Variants in MRPL37 observed in about 807,000 individuals in gnomAD.
The protein encoded by MRPL37 is large ribosomal subunit protein mL37.
In MRPL37, 34 loss-of-function variants were observed where a neutral mutation model predicts 44.1. The observed-to-expected ratio is 0.77, with a 90% CI of 0.59 to 1.03. The LOEUF is 1.03. Ranked by LOEUF, MRPL37 falls within the 50% of genes least tolerant of loss-of-function variation. The pLI, the probability that MRPL37 is intolerant of heterozygous loss-of-function variation, is 0.00. For missense variants in MRPL37, 532 were observed against 543.7 expected (o/e 0.98, Z 0.21); for synonymous variants, 212 against 219.5 (o/e 0.97, Z 0.30).
At chr1:54,223,597 C>T (rs1644252291), downstream of MRPL37, among the ~76,000 whole-genome samples, 2 of 152,196 alleles carry the variant, frequency 1.3e-5, no homozygotes, top group South Asian at 2.1e-4. Context: ...AGTGGGGATG[C>T]CCAGCAGGGA....
chr1:54,210,006 T>C lies in MRPL37; in HGVS notation c.707T>C (p.Leu236Pro), dbSNP rs1644152880. Reference protein sequence around the residue: ...GGARLSTKDPLPTIASREEIE... With the variant: ...GGARLSTKDPPPTIASREEIE... ...GCCCGACTGAGCACTAAGGATCCTC[T>C]GCCCACCATCGCCTCCAGAGAGGAG... The change falls in exon 4 of 7, where the codon CTG (leucine) becomes CCG (proline). Residue 236 changes from leucine (L) to proline (P), a missense_variant. Coordinates refer to ENST00000360840, the MANE Select transcript of MRPL37 (RefSeq NM_016491.4). 1.2e-6 allele frequency: 2 copies of C among 1,614,254 alleles called. No individual in the cohort carries two copies. The highest frequency in any genetic ancestry group is 2.7e-5 in the African/African-American group (2 of 75,078).
At chr1:54,204,982 T>C in intron 1 of MRPL37, 36 bp from the exon 2 acceptor site, 1 of 1,583,938 alleles carries the variant, frequency 6.3e-7, no homozygotes, top group Non-Finnish European at 8.6e-7. Flanking sequence ...AATCTTTTTC[T>C]TTCCTTCTTT....
At chr1:54,202,905 G>T (rs1321580830) in intron 1 of MRPL37, among the ~76,000 whole-genome samples, 1 of 152,198 alleles carries the variant, frequency 6.6e-6, no homozygotes, top group Non-Finnish European at 1.5e-5. Context: ...TTTTGGGCAT[G>T]ATCATTGAGA....
chr1:54,205,128 T>A lies in MRPL37; in HGVS notation c.457T>A (p.Cys153Ser). The A allele has an allele frequency of 6.2e-7, 1 of 1,614,006 alleles. No homozygotes were observed. The highest frequency in any genetic ancestry group is 8.5e-7 in the Non-Finnish European group (1 of 1,179,998). ...PRNHIENQDECVLNVISHARL... is the reference protein window; with the variant it reads ...PRNHIENQDESVLNVISHARL... ...GAACCACATAGAGAACCAAGACGAGTGCGTTCTGAATGTGATCTCTCACGC... is the reference window on the plus strand; with the variant it reads ...GAACCACATAGAGAACCAAGACGAGAGCGTTCTGAATGTGATCTCTCACGC... The change falls in exon 2 of 7, where the codon TGC becomes AGC. Residue 153 changes from cysteine to serine, a missense_variant. Physicochemically the swap from Cys to Ser is moderately radical, Grantham distance 112 (BLOSUM62 -1). Transcript: ENST00000360840.
At chr1:54,212,000 C>A (rs937649707) in intron 4 of MRPL37, among the ~76,000 whole-genome samples, 2 of 152,216 alleles carry the variant, frequency 1.3e-5, no homozygotes, top group Admixed American at 1.3e-4. Flanking sequence ...TGAGGCAAGT[C>A]ATTTGTCACT....
chr1:54,207,196 T>C (rs529371652), intron 3 of MRPL37, among the ~76,000 whole-genome samples: 1 of 152,344 alleles, frequency 6.6e-6, no homozygotes, highest in Non-Finnish European at 1.5e-5. Context: ...TTACACTGTA[T>C]TGTCAGTATC....
intron 6 of MRPL37, 119 bp from the exon 7 acceptor site, chr1:54,218,053 C>T (rs575900707): frequency 3.6e-5 from 33 of 925,430 alleles, no homozygotes; most frequent in South Asian, 2.0e-4. Context: ...GAGAGAGAGA[C>T]GATGTCAGAA....
chr1:54,213,224 A>G (rs1206602464), intron 5 of MRPL37, among the ~76,000 whole-genome samples: 1 of 152,258 alleles, frequency 6.6e-6, no homozygotes, highest in Non-Finnish European at 1.5e-5. Context: ...AACTTGTCAC[A>G]GAGAGCTGTC....
intron 5 of MRPL37, among the ~76,000 whole-genome samples, chr1:54,214,199 A>ATT (rs1230152416): frequency 5.3e-5 from 8 of 152,216 alleles, no homozygotes; most frequent in Non-Finnish European, 4.4e-5. Flanking sequence ...GAAAAAAAAG[A>ATT]AAAAAGAAAA....
In MRPL37 at chr1:54,216,134, C is replaced by T. The variant is rs1242938046; in HGVS notation, c.991-7C>T. 1.9e-6 allele frequency: 3 copies of T among 1,614,156 alleles called. No homozygotes were observed. In the Admixed American group the frequency reaches 5.0e-5, roughly 27 times the overall value. On this transcript the variant is annotated splice_polypyrimidine_tract_variant and splice_region_variant and intron_variant, in intron 5 of 6. Coordinates refer to ENST00000360840, the MANE Select transcript of MRPL37 (RefSeq NM_016491.4). ...GATTTGTTTTCCTTGTCCCCTTTTC[C>T]TCTCAGAATGATGCCAAGGTCTTGG...
At chr1:54,221,194 C>CTT (rs1172481925), downstream of MRPL37, among the ~76,000 whole-genome samples, 25 of 152,262 alleles carry the variant, frequency 1.6e-4, no homozygotes, top group African/African-American at 5.1e-4. Flanking sequence ...GGGGACCTCA[C>CTT]TTTAGGCTGC....
At chr1:54,215,844 G>C (rs1386308579) in intron 5 of MRPL37, among the ~76,000 whole-genome samples, 1 of 152,176 alleles carries the variant, frequency 6.6e-6, no homozygotes, top group Non-Finnish European at 1.5e-5. Flanking sequence ...CAGCTGGCCT[G>C]CCTGAACTCT....
At position 54,200,501 on chromosome 1, in the gene MRPL37, G is replaced by A. The variant is rs1477379133; in HGVS notation, c.258G>A (p.Arg86=). The change falls in exon 1 of 7, where the codon AGG becomes AGA. Residue 86 remains arginine (R), a synonymous_variant. Transcript: ENST00000360840. ...GGGACCGCGGCTACAAGGACCCAAG[G>A]TTCTACCGCTCGCCCCCTCTTCACG... ...PPWDRGYKDP[R]FYRSPPLHEH... The A allele has an allele frequency of 2.5e-6, 4 of 1,614,200 alleles. No homozygotes were observed. The East Asian group carries it at 8.9e-5, about 36-fold the overall frequency.
chr1:54,224,787 C>T (rs1644263435), downstream of MRPL37, among the ~76,000 whole-genome samples: 1 of 152,182 alleles, frequency 6.6e-6, no homozygotes, highest in Admixed American at 6.5e-5. Context: ...GCATTTCTTG[C>T]CTAAATGTCG....
At chr1:54,219,457 A>G (rs944814081), downstream of MRPL37, among the ~76,000 whole-genome samples, 2 of 152,160 alleles carry the variant, frequency 1.3e-5, no homozygotes, top group African/African-American at 4.8e-5. Flanking sequence ...ACAGAGGACC[A>G]TGGGGACAGG....
intron 4 of MRPL37, among the ~76,000 whole-genome samples, chr1:54,211,517 G>T (rs1644164882): frequency 1.3e-5 from 2 of 151,698 alleles, no homozygotes; most frequent in South Asian, 4.2e-4. Flanking sequence ...CTGAGACAGG[G>T]TCTCTCAGTC....
intron 3 of MRPL37, among the ~76,000 whole-genome samples, chr1:54,209,167 G>A (rs143886982): frequency 3.9e-5 from 6 of 152,300 alleles, no homozygotes; most frequent in East Asian, 1.9e-4. Context: ...AGAGGAGAGA[G>A]TAACTCTCAC....
At chr1:54,211,632 AC>A (rs1481549598) in intron 4 of MRPL37, among the ~76,000 whole-genome samples, 1 of 152,058 alleles carries the variant, frequency 6.6e-6, no homozygotes, top group Non-Finnish European at 1.5e-5. Flanking sequence ...AGCCGGGACC[AC>A]AGGCATGTGC....
chr1:54,200,739 GGTTGTTA>G, intron 1 of MRPL37, 150 bp downstream of exon 1: 1 of 913,660 alleles, frequency 1.1e-6, no homozygotes, highest in Non-Finnish European at 1.6e-6. Context: ...GTCTTCTGAG[GGTTGTTA>G]GAATTGAGTT....
Sources: allele counts gnomAD v4.1 joint callset (sites outside exome capture counted in the v4.1 genomes callset), GRCh38; gene constraint gnomAD v4.1.1; transcripts MANE v1.5; gene names NCBI Gene and HGNC (gene_info 2026-07-23, HGNC 2026-07-21).